The following MAD1L1 variants were observed in gnomAD, a reference collection of about 807,000 sequenced individuals.
MAD1L1 encodes mitotic spindle assembly checkpoint protein MAD1.
A neutral mutation model predicts 96.9 loss-of-function variants in MAD1L1; 95 were observed. The ratio of observed to expected loss-of-function variants is 0.98; its 90% confidence interval spans 0.83 to 1.16. The LOEUF (loss-of-function observed/expected upper bound fraction) is 1.16. Ranked by LOEUF, MAD1L1 falls within the 50% of genes most tolerant of loss-of-function variation. The pLI is 0.00. For missense variants in MAD1L1, 1,007 were observed against 954.4 expected (o/e 1.06, Z -0.73); for synonymous variants, 473 against 396.6 (o/e 1.19, Z -2.29).
chr7:2,178,214 G>T (rs1791033351), intron 10 of MAD1L1, among the ~76,000 whole-genome samples: 1 of 152,170 alleles, frequency 6.6e-6, no homozygotes. Flanking sequence ...ATTTTCAAAT[G>T]ATCTTTGACC....
chr7:2,128,085 C>T (rs1201857354), intron 11 of MAD1L1, among the ~76,000 whole-genome samples: 1 of 152,182 alleles, frequency 6.6e-6, no homozygotes, highest in Non-Finnish European at 1.5e-5. Context: ...CTCATCAACT[C>T]GGGCTCTGGT....
chr7:2,017,405 C>T (rs904720157), intron 12 of MAD1L1, among the ~76,000 whole-genome samples: 4 of 152,168 alleles, frequency 2.6e-5, no homozygotes, highest in African/African-American at 4.8e-5. Flanking sequence ...ATGCAACGAA[C>T]GGCCATGTGA....
In MAD1L1 at chr7:2,054,880, G is replaced by A. The variant is rs116860885; in HGVS notation, c.1218+14314C>T. On this transcript the variant is annotated intron_variant, in intron 12 of 18. Coordinates refer to ENST00000265854, the MANE Select transcript of MAD1L1 (RefSeq NM_001013836.2). ...CGTGCCCTCGCAGTGATGGGAGAGCGGGGAACACATGCGGTACTCAGGGCT... is the reference window on the plus strand; with the variant it reads ...CGTGCCCTCGCAGTGATGGGAGAGCAGGGAACACATGCGGTACTCAGGGCT... Among the ~76,000 whole-genome samples, 178 of 152,350 alleles carry A rather than the reference G, an allele frequency of 1.2e-3. 4 individuals are homozygous for A. In the East Asian group the frequency reaches 0.031, roughly 26 times the overall value.
intron 18 of MAD1L1, among the ~76,000 whole-genome samples, chr7:1,863,433 G>A (rs1372715946): frequency 6.6e-6 from 1 of 152,254 alleles, no homozygotes; most frequent in African/African-American, 2.4e-5. Flanking sequence ...GGTCCACTGA[G>A]GGCCTCTGTG....
At chr7:2,161,338 C>T (rs62443027) in intron 10 of MAD1L1, among the ~76,000 whole-genome samples, 32,797 of 151,644 alleles carry the variant, frequency 0.22, 3,747 homozygotes, top group Middle Eastern at 0.36. Flanking sequence ...AGCTCCTGAC[C>T]GCGAGTGATC....
chr7:1,931,664 T>C (rs543149515), intron 17 of MAD1L1, among the ~76,000 whole-genome samples: 2 of 133,838 alleles, frequency 1.5e-5, no homozygotes, highest in Admixed American at 1.5e-4. Context: ...GCAACACGCG[T>C]CTCCCTCCTC....
chr7:2,069,778 T>C (rs1431091441), intron 11 of MAD1L1, among the ~76,000 whole-genome samples: 3 of 152,200 alleles, frequency 2.0e-5, no homozygotes, highest in Admixed American at 1.3e-4. Flanking sequence ...AGCCTGGCGC[T>C]AAGCACTGGG....
intron 12 of MAD1L1, among the ~76,000 whole-genome samples, chr7:2,024,798 T>A (rs1367589892): frequency 6.6e-6 from 1 of 152,138 alleles, no homozygotes; most frequent in East Asian, 1.9e-4. Context: ...TGAAAGAAAT[T>A]AAGTTGATCA....
rs55949534 is a variant in MAD1L1 at position 2,103,621 on chromosome 7, C to T, written c.1074-34283G>A. On this transcript the variant is annotated intron_variant, in intron 11 of 18. Transcript: ENST00000265854. This position sits in a 1 kb window ranked among gnomAD's most constrained non-coding sequence, Gnocchi z 4.3. ...GCCCCTGCGAAGGCCTCTCAGGAGC[C>T]GGGCAGCACAGCCAGAACACTGAGA... Among the ~76,000 whole-genome samples the T allele has an allele frequency of 0.027, 4,132 of 152,208 alleles. 98 individuals carry two copies. Among genetic ancestry groups the T allele is most frequent in the South Asian group, 0.09 (434 of 4,818 alleles).
chr7:2,014,269 G>C (rs1025348580), intron 13 of MAD1L1, among the ~76,000 whole-genome samples: 1 of 152,172 alleles, frequency 6.6e-6, no homozygotes, highest in Non-Finnish European at 1.5e-5. Context: ...TTGCAGGCTG[G>C]GACCACCTGA....
chr7:1,831,331 TAA>T (rs1782693800), intron 18 of MAD1L1, among the ~76,000 whole-genome samples: 1 of 152,320 alleles, frequency 6.6e-6, no homozygotes, highest in Admixed American at 6.5e-5. Context: ...ACAGTGCCCA[TAA>T]GAGAGCAAAC....
Position 2,011,102 on chromosome 7 carries a change from G to C in MAD1L1, c.1359+3400C>G, listed in dbSNP as rs954666994. ...GAGCACCTGGGCTCTGTGGGGTCAGGAGCCCTCCCCGGCTGGGGCGATGGC... is the reference window on the plus strand; with the variant it reads ...GAGCACCTGGGCTCTGTGGGGTCAGCAGCCCTCCCCGGCTGGGGCGATGGC... On this transcript the variant is annotated intron_variant, in intron 13 of 18. Coordinates refer to ENST00000265854, the MANE Select transcript of MAD1L1 (RefSeq NM_001013836.2). Among the ~76,000 whole-genome samples, 5 of 152,306 alleles carry C rather than the reference G, an allele frequency of 3.3e-5. No homozygotes were observed. In the South Asian group the frequency reaches 6.2e-4, roughly 19 times the overall value.
chr7:1,855,936 G>T (rs1349163620), intron 18 of MAD1L1, among the ~76,000 whole-genome samples: 5 of 152,168 alleles, frequency 3.3e-5, no homozygotes, highest in Non-Finnish European at 7.3e-5. Flanking sequence ...TGGCTGCTCA[G>T]GTTCTGGAGT....
intron 10 of MAD1L1, among the ~76,000 whole-genome samples, chr7:2,172,666 A>G (rs759853724): frequency 6.6e-5 from 10 of 152,240 alleles, no homozygotes; most frequent in Non-Finnish European, 1.2e-4. Context: ...TCGTGGTGCC[A>G]GCTCGAGTGC....
intron 11 of MAD1L1, among the ~76,000 whole-genome samples, chr7:2,140,893 C>G (rs570730934): frequency 4.6e-5 from 7 of 152,354 alleles, no homozygotes; most frequent in African/African-American, 1.4e-4. Flanking sequence ...CACATTTCAT[C>G]CACTTCCACA....
intron 1 of MAD1L1, among the ~76,000 whole-genome samples, chr7:2,231,291 G>A (rs1381666486): frequency 6.6e-6 from 1 of 151,746 alleles, no homozygotes; most frequent in Non-Finnish European, 1.5e-5. Context: ...GGGTGAGACA[G>A]TGTCTCAAAA....
chr7:1,997,661 C>T (rs1187866368), intron 14 of MAD1L1, among the ~76,000 whole-genome samples: 1 of 152,278 alleles, frequency 6.6e-6, no homozygotes, highest in African/African-American at 2.4e-5. Flanking sequence ...CTCTGGGTCA[C>T]ACAGAGAAGG....
intron 12 of MAD1L1, among the ~76,000 whole-genome samples, chr7:2,020,880 G>C (rs1239908625): frequency 6.6e-6 from 1 of 151,622 alleles, no homozygotes; most frequent in African/African-American, 2.4e-5. Flanking sequence ...AGAGTAGAAA[G>C]GCTAAAACTG....
chr7:2,003,290 A>T (rs142820250), intron 13 of MAD1L1, among the ~76,000 whole-genome samples: 1 of 152,234 alleles, frequency 6.6e-6, no homozygotes, highest in African/African-American at 2.4e-5. Context: ...GTGGGTATGT[A>T]TATGCACACC....
Sources: allele counts gnomAD v4.1 joint callset (sites outside exome capture counted in the v4.1 genomes callset), GRCh38; gene constraint gnomAD v4.1.1; non-coding constraint Gnocchi (gnomAD v3.1); transcripts MANE v1.5; gene names NCBI Gene and HGNC (gene_info 2026-07-23, HGNC 2026-07-21).